CTNNA3: variants seen among roughly 807,000 people sequenced by gnomAD.
The protein encoded by CTNNA3 is catenin alpha-3.
Under a neutral mutation model 95.7 loss-of-function variants are expected in CTNNA3, and 76 were observed. That is an observed-to-expected ratio of 0.79 (90% confidence interval 0.66 to 0.96). CTNNA3 has a LOEUF of 0.96. Ranked by LOEUF, CTNNA3 falls within the 40% of genes least tolerant of loss-of-function variation. The pLI, the probability that CTNNA3 is intolerant of heterozygous loss-of-function variation, is 0.00. For synonymous variants in CTNNA3, 431 were observed against 374.4 expected, an observed-to-expected ratio of 1.15 and a Z score of -1.74; for missense variants, 1,191 against 1,089.8, an observed-to-expected ratio of 1.09 and a Z score of -1.31.
rs867047729 is a variant in CTNNA3 at position 66,927,490 on chromosome 10, C to T, written c.1048-151966G>A. 1 of 1,613,974 alleles carries T rather than the reference C, an allele frequency of 6.2e-7. No homozygotes were observed. On this transcript the variant is annotated intron_variant, in intron 7 of 17. Coordinates refer to ENST00000433211, the MANE Select transcript of CTNNA3 (RefSeq NM_013266.4). The surrounding 1 kb of genome is among the most constrained non-coding windows in gnomAD (Gnocchi z 4.7). ...GGAACTTTTGGACCTGGGATATAAC[C>T]GGATCCGAAGTTTAGCCAGGAATGT...
chr10:65,933,866 G>A (rs1293965597), intron 17 of CTNNA3, among the ~76,000 whole-genome samples: 1 of 152,144 alleles, frequency 6.6e-6, no homozygotes, highest in Admixed American at 6.5e-5. Context: ...GTCTAGAGGT[G>A]TTTCATGTGA....
At chr10:66,702,339 A>T (rs1337264208) in intron 9 of CTNNA3, among the ~76,000 whole-genome samples, 1 of 151,982 alleles carries the variant, frequency 6.6e-6, no homozygotes, top group Non-Finnish European at 1.5e-5. Context: ...CAGTTGAAGG[A>T]CCAGGAAGTG....
intron 5 of CTNNA3, among the ~76,000 whole-genome samples, chr10:67,263,167 C>A (rs1242799422): frequency 6.6e-6 from 1 of 152,096 alleles, no homozygotes; most frequent in Non-Finnish European, 1.5e-5. Context: ...CACTGCAAGG[C>A]CCTGGTACCT....
chr10:67,329,085 A>T (rs1841674185), intron 5 of CTNNA3, among the ~76,000 whole-genome samples: 1 of 152,214 alleles, frequency 6.6e-6, no homozygotes, highest in Non-Finnish European at 1.5e-5. Flanking sequence ...ATAAAATGGC[A>T]AATGGGCTGG....
At chr10:66,585,602 T>TA (rs542577395) in intron 10 of CTNNA3, among the ~76,000 whole-genome samples, 17 of 151,980 alleles carry the variant, frequency 1.1e-4, no homozygotes, top group East Asian at 3.9e-4. Flanking sequence ...TGTCCTGAAT[T>TA]AAAAAAAATT....
chr10:66,723,131 G>A (rs1254743608), intron 9 of CTNNA3, among the ~76,000 whole-genome samples: 1 of 152,128 alleles, frequency 6.6e-6, no homozygotes, highest in East Asian at 1.9e-4. Flanking sequence ...AAAGGGAGAG[G>A]AGGGGAGAGA....
At chr10:66,613,215 C>T (rs1237144542) in intron 10 of CTNNA3, among the ~76,000 whole-genome samples, 1 of 152,074 alleles carries the variant, frequency 6.6e-6, no homozygotes, top group East Asian at 1.9e-4. Flanking sequence ...CACTTTCCCA[C>T]TTGAGTTTGA....
chr10:67,087,100 T>C (rs1857351744), intron 7 of CTNNA3, among the ~76,000 whole-genome samples: 1 of 152,106 alleles, frequency 6.6e-6, no homozygotes, highest in African/African-American at 2.4e-5. Context: ...CTCATCACTT[T>C]ACCTGGCAAT....
chr10:66,881,578 T>G (rs1218871255), intron 7 of CTNNA3, among the ~76,000 whole-genome samples: 1 of 152,066 alleles, frequency 6.6e-6, no homozygotes. Context: ...AATAATAACT[T>G]TAGATTTGTG....
At chr10:66,464,561 G>A (rs938713377) in intron 11 of CTNNA3, among the ~76,000 whole-genome samples, 10 of 151,932 alleles carry the variant, frequency 6.6e-5, no homozygotes, top group African/African-American at 2.4e-4. Flanking sequence ...TCAGGAGTTC[G>A]AGACCAGCCT....
At chr10:66,537,476 G>C (rs192999492) in intron 10 of CTNNA3, among the ~76,000 whole-genome samples, 103 of 151,958 alleles carry the variant, frequency 6.8e-4, no homozygotes, top group African/African-American at 2.4e-3. Flanking sequence ...GTTTATGTGA[G>C]ATAAACTCAA....
intron 5 of CTNNA3, among the ~76,000 whole-genome samples, chr10:67,363,345 C>T (rs1441042588): frequency 1.3e-5 from 2 of 151,948 alleles, no homozygotes; most frequent in Non-Finnish European, 2.9e-5. Context: ...AGAGGCATCA[C>T]ACTACATAAA....
At chr10:66,582,724 G>A (rs1843230570) in intron 10 of CTNNA3, among the ~76,000 whole-genome samples, 1 of 151,710 alleles carries the variant, frequency 6.6e-6, no homozygotes, top group Non-Finnish European at 1.5e-5. Context: ...TCAGTTAATA[G>A]GGGAAATACT....
chr10:66,950,293 A>G (rs1848473882), intron 7 of CTNNA3, among the ~76,000 whole-genome samples: 1 of 152,080 alleles, frequency 6.6e-6, no homozygotes, highest in Admixed American at 6.6e-5. Flanking sequence ...TCTAACTTGA[A>G]GTATATTTAC....
At chr10:66,919,134 T>TAAAAAA (rs5785804) in intron 7 of CTNNA3, among the ~76,000 whole-genome samples, 1 of 111,944 alleles carries the variant, frequency 8.9e-6, no homozygotes, top group African/African-American at 3.5e-5. Context: ...GACTCTGTCT[T>TAAAAAA]AAAAAAAAAA....
At chr10:66,247,151 T>C (rs2090365422) in intron 13 of CTNNA3, among the ~76,000 whole-genome samples, 1 of 151,828 alleles carries the variant, frequency 6.6e-6, no homozygotes, top group Non-Finnish European at 1.5e-5. Flanking sequence ...AATTGAAGCA[T>C]ACCTATTAGG....
intron 15 of CTNNA3, among the ~76,000 whole-genome samples, chr10:66,063,181 T>G (rs1158450296): frequency 7.0e-6 from 1 of 142,022 alleles, no homozygotes; most frequent in East Asian, 2.1e-4. Context: ...TTCCAGCCAA[T>G]GACTGGATAC....
chr10:67,265,381 CAAAT>C (rs1866779505), intron 5 of CTNNA3, among the ~76,000 whole-genome samples: 2 of 152,006 alleles, frequency 1.3e-5, no homozygotes, highest in African/African-American at 2.4e-5. Flanking sequence ...ACATACAAAA[CAAAT>C]AAAAGGCCTA....
intron 17 of CTNNA3, among the ~76,000 whole-genome samples, chr10:65,964,348 C>A (rs1436440959): frequency 6.6e-6 from 1 of 151,902 alleles, no homozygotes; most frequent in Non-Finnish European, 1.5e-5. Flanking sequence ...TATTTTTTTT[C>A]TAATGGGGAA....
Sources: gnomAD v4.1 joint callset for allele counts (sites outside exome capture counted in the v4.1 genomes callset) on GRCh38, gnomAD v4.1.1 for gene constraint, Gnocchi (gnomAD v3.1) non-coding constraint, MANE v1.5 for transcripts, NCBI Gene and HGNC (gene_info 2026-07-23, HGNC 2026-07-21) for gene names.